The following EXOC4 variants were observed in gnomAD, a reference collection of about 807,000 sequenced individuals.
The protein encoded by EXOC4 is exocyst complex component 4.
A neutral mutation model predicts 107.2 loss-of-function variants in EXOC4; 71 were observed. The ratio of observed to expected loss-of-function variants is 0.66; its 90% CI spans 0.55 to 0.81. The LOEUF (loss-of-function observed/expected upper bound fraction) is 0.81. Ranked by LOEUF, EXOC4 falls within the 30% of genes least tolerant of loss-of-function variation. The pLI is 0.00. For missense variants in EXOC4, 1,108 were observed against 1,189.6 expected, an observed-to-expected ratio of 0.93 and a Z score of 1.01; for synonymous variants, 456 against 441.2, an observed-to-expected ratio of 1.03 and a Z score of -0.42.
chr7:133,326,480 C>T (rs1795244103), intron 5 of EXOC4, among the ~76,000 whole-genome samples: 1 of 152,202 alleles, frequency 6.6e-6, no homozygotes, highest in Non-Finnish European at 1.5e-5. Flanking sequence ...CTACTCCAGA[C>T]CCTGTTTGCC....
chr7:133,425,579 G>A (rs540429956), intron 7 of EXOC4, among the ~76,000 whole-genome samples: 2 of 152,226 alleles, frequency 1.3e-5, no homozygotes, highest in African/African-American at 4.8e-5. Flanking sequence ...GAGCCACCAC[G>A]TCTGGCTCAA....
intron 11 of EXOC4, among the ~76,000 whole-genome samples, chr7:133,855,051 AAATATATC>A (rs1798321329): frequency 4.7e-5 from 3 of 63,210 alleles, no homozygotes; most frequent in African/African-American, 3.7e-4. Flanking sequence ...ATATATATCT[AAATATATC>A]TAAATATATC....
chr7:134,047,989 A>G (rs969181834), intron 17 of EXOC4, among the ~76,000 whole-genome samples: 3 of 152,188 alleles, frequency 2.0e-5, no homozygotes, highest in Non-Finnish European at 4.4e-5. Context: ...GTTTTTAAAG[A>G]TAATTTGGTG....
chr7:133,730,329 T>A (rs548548478), intron 10 of EXOC4, among the ~76,000 whole-genome samples: 1 of 151,696 alleles, frequency 6.6e-6, no homozygotes, highest in African/African-American at 2.4e-5. Flanking sequence ...AGGGACCTTA[T>A]AGGGGAGATC....
At chr7:133,861,826 G>A (rs144149410) in intron 11 of EXOC4, among the ~76,000 whole-genome samples, 123 of 152,230 alleles carry the variant, frequency 8.1e-4, no homozygotes, top group African/African-American at 2.8e-3. Context: ...GAGCCACCTC[G>A]TCTGGCAAGG....
chr7:133,631,516 A>G (rs1802590745), intron 10 of EXOC4, among the ~76,000 whole-genome samples: 1 of 152,082 alleles, frequency 6.6e-6, no homozygotes, highest in Admixed American at 6.5e-5. Context: ...TGTAAATTAA[A>G]TAACAAAAAC....
At chr7:133,923,464 G>A (rs1263520722) in intron 13 of EXOC4, among the ~76,000 whole-genome samples, 2 of 152,120 alleles carry the variant, frequency 1.3e-5, no homozygotes, top group Admixed American at 1.3e-4. Flanking sequence ...AGGTTTGTAA[G>A]GGTATCTCTT....
intron 7 of EXOC4, among the ~76,000 whole-genome samples, chr7:133,390,854 T>A (rs964692789): frequency 6.6e-6 from 1 of 152,266 alleles, no homozygotes; most frequent in Non-Finnish European, 1.5e-5. Context: ...CTGTGTTTTA[T>A]GAATACTTTT....
intron 7 of EXOC4, among the ~76,000 whole-genome samples, chr7:133,402,938 G>C (rs1320290583): frequency 6.8e-6 from 1 of 147,378 alleles, no homozygotes; most frequent in Non-Finnish European, 1.5e-5. Flanking sequence ...AGGCTAGAGA[G>C]CAGTGGAACG....
chr7:133,940,125 A>T (rs1235360199), intron 14 of EXOC4, among the ~76,000 whole-genome samples: 5 of 152,326 alleles, frequency 3.3e-5, no homozygotes, highest in African/African-American at 1.2e-4. Flanking sequence ...ATTTCTAATG[A>T]CATACCATTC....
At chr7:133,809,390 C>T (rs1443347990) in intron 10 of EXOC4, among the ~76,000 whole-genome samples, 2 of 152,210 alleles carry the variant, frequency 1.3e-5, no homozygotes, top group Non-Finnish European at 2.9e-5. Flanking sequence ...AAAGCTTCCG[C>T]AGACCTGTAA....
chr7:133,518,414 G>T (rs188854114), intron 9 of EXOC4, among the ~76,000 whole-genome samples: 2 of 144,508 alleles, frequency 1.4e-5, no homozygotes, highest in Admixed American at 7.0e-5. Flanking sequence ...ATTCATTCAT[G>T]GCCTCTCCTA....
chr7:133,728,953 G>A (rs1795271389), intron 10 of EXOC4, among the ~76,000 whole-genome samples: 1 of 152,166 alleles, frequency 6.6e-6, no homozygotes, highest in African/African-American at 2.4e-5. Flanking sequence ...CTCCCAGGAG[G>A]ATTATTTCTG....
At chr7:133,800,332 T>G (rs1796911924) in intron 10 of EXOC4, among the ~76,000 whole-genome samples, 1 of 152,176 alleles carries the variant, frequency 6.6e-6, no homozygotes, top group African/African-American at 2.4e-5. Flanking sequence ...CTAATAGTTT[T>G]TAACTATTCT....
intron 7 of EXOC4, among the ~76,000 whole-genome samples, chr7:133,440,394 A>T (rs1317117207): frequency 2.7e-5 from 4 of 146,792 alleles, no homozygotes; most frequent in African/African-American, 1.0e-4. Context: ...TCTTCCTTCC[A>T]AGTACTTTTA....
At chr7:133,742,724 A>G (rs1795592131) in intron 10 of EXOC4, among the ~76,000 whole-genome samples, 1 of 152,128 alleles carries the variant, frequency 6.6e-6, no homozygotes, top group African/African-American at 2.4e-5. Context: ...TTTCCCCCCA[A>G]GTTGAGACTT....
chr7:133,755,400 G>A (rs1330528950), intron 10 of EXOC4, among the ~76,000 whole-genome samples: 2 of 137,284 alleles, frequency 1.5e-5, no homozygotes, highest in Non-Finnish European at 3.1e-5. Flanking sequence ...CTGGAGTGCA[G>A]TGGCGCCATC....
chr7:133,979,047 C>A (rs1174107596), intron 14 of EXOC4, among the ~76,000 whole-genome samples: 3 of 152,154 alleles, frequency 2.0e-5, no homozygotes, highest in South Asian at 2.1e-4. Flanking sequence ...GATAAAATAA[C>A]AAGTCTCCTG....
chr7:133,479,946 G>A (rs1212270844), intron 8 of EXOC4, 104 bp from the exon 9 acceptor site: 7 of 942,204 alleles, frequency 7.4e-6, no homozygotes, highest in African/African-American at 1.6e-5. Context: ...ACGGAACATC[G>A]GGGAGCACCA....
Sources: allele counts gnomAD v4.1 joint callset (sites outside exome capture counted in the v4.1 genomes callset), GRCh38; gene constraint gnomAD v4.1.1; transcripts MANE v1.5; gene names NCBI Gene and HGNC (gene_info 2026-07-23, HGNC 2026-07-21).